Variants in CENPK observed in about 807,000 individuals in gnomAD.
The protein encoded by CENPK is SoxLZ/Sox6-binding protein Solt.
A neutral mutation model predicts 40.9 loss-of-function variants in CENPK; 46 were observed. That is an observed-to-expected ratio of 1.13 (90% CI 0.89 to 1.44). The LOEUF (loss-of-function observed/expected upper bound fraction) is 1.44. Ranked by LOEUF, CENPK falls within the 40% of genes most tolerant of loss-of-function variation. The pLI is 0.00. For synonymous variants in CENPK, 107 were observed against 104.4 expected (o/e 1.02, Z -0.15); for missense variants, 288 against 303.5 (o/e 0.95, Z 0.38).
At chr5:65,557,296 C>G (rs1751143150) in intron 2 of CENPK, among the ~76,000 whole-genome samples, 2 of 152,180 alleles carry the variant, frequency 1.3e-5, no homozygotes, top group Admixed American at 1.3e-4. Flanking sequence ...TAAAAATACT[C>G]ACAGCAATAT....
rs954261149 is a variant in CENPK, at chr5:65,529,019, T to C, written c.372-2A>G. On this transcript the variant is annotated splice_acceptor_variant, in intron 7 of 10. Coordinates refer to ENST00000396679, the MANE Select transcript of CENPK (RefSeq NM_022145.5). LOFTEE classifies it high-confidence loss of function. ...TGTTCATCCAACCACCGTTGTTCCC[T>C]TTCGACATGGAAAAACAATACAAGC... 1.7e-5 allele frequency: 27 copies of C among 1,602,582 alleles called. No homozygotes were observed. The highest frequency in any genetic ancestry group is 1.8e-5 in the Non-Finnish European group (21 of 1,171,276).
chr5:65,555,989 T>G (rs1327683623), intron 2 of CENPK, among the ~76,000 whole-genome samples: 2 of 152,214 alleles, frequency 1.3e-5, no homozygotes, highest in South Asian at 2.1e-4. Context: ...CACTACATAA[T>G]GACATTTTGG....
At chr5:65,540,902 G>C (rs1455848111) in intron 6 of CENPK, among the ~76,000 whole-genome samples, 2 of 151,438 alleles carry the variant, frequency 1.3e-5, no homozygotes, top group Non-Finnish European at 2.9e-5. Flanking sequence ...CAACCTCCCA[G>C]GCTCAAGCAA....
the CENPK span, among the ~76,000 whole-genome samples, chr5:65,495,748 G>GAAAT: frequency 1.3e-5 from 2 of 151,854 alleles, no homozygotes; most frequent in Admixed American, 1.3e-4. Flanking sequence ...CACAAAAGAA[G>GAAAT]AAATACAAAC....
chr5:65,560,632 A>G (rs557145077), intron 2 of CENPK, among the ~76,000 whole-genome samples: 1 of 152,356 alleles, frequency 6.6e-6, no homozygotes, highest in South Asian at 2.1e-4. Flanking sequence ...GAAAAAGTAC[A>G]TTCATAAGCT....
At chr5:65,525,129 T>TG (rs1744450366) in intron 9 of CENPK, among the ~76,000 whole-genome samples, 1 of 152,182 alleles carries the variant, frequency 6.6e-6, no homozygotes, top group African/African-American at 2.4e-5. Context: ...GAGGCTGAGG[T>TG]GGGTGGATCA....
rs564648227 is a variant in CENPK at position 65,562,963 on chromosome 5, A to T, written c.-142+135T>A. 1.6e-5 allele frequency: 3 copies of T among 186,152 alleles called. No homozygotes were observed. The East Asian group carries it at 4.5e-4, about 28-fold the overall frequency. The allele number at this position is 186,152 out of a possible 1,614,324, so 11.5% of individuals were successfully genotyped here. A position where few individuals can be genotyped will look rare whatever the true frequency, so the allele number is the denominator to read the frequency against. On this transcript the variant is annotated intron_variant, in intron 1 of 10. Transcript: ENST00000396679. The stretch of plus-strand genomic sequence containing the variant: ...TATGGAGCTTGCGTTGGCGCGCGGG[A>T]AGCCGAGAAGAACGGGACTCAAAGC...
intron 5 of CENPK, among the ~76,000 whole-genome samples, chr5:65,549,146 G>A (rs770665218): frequency 4.6e-5 from 7 of 152,118 alleles, no homozygotes; most frequent in Non-Finnish European, 7.4e-5. Context: ...TAAATTCCTT[G>A]TACATCACCA....
intron 2 of CENPK, among the ~76,000 whole-genome samples, chr5:65,557,269 G>A (rs892551272): frequency 2.0e-5 from 3 of 152,102 alleles, no homozygotes; most frequent in African/African-American, 4.8e-5. Context: ...TAATATAGAG[G>A]AGCAAACTGT....
chr5:65,533,940 T>C (rs566783680), intron 6 of CENPK, among the ~76,000 whole-genome samples: 64 of 147,434 alleles, frequency 4.3e-4, no homozygotes, highest in Middle Eastern at 3.7e-3. Context: ...CCCAGCTACC[T>C]GGGAGGCTGA....
At chr5:65,548,994 G>T (rs1269147781) in intron 5 of CENPK, among the ~76,000 whole-genome samples, 4 of 152,150 alleles carry the variant, frequency 2.6e-5, no homozygotes, top group African/African-American at 7.2e-5. Flanking sequence ...AGGTTTCAAT[G>T]TACTTTGGCC....
the CENPK span, among the ~76,000 whole-genome samples, chr5:65,500,820 G>T: frequency 2.6e-5 from 4 of 152,004 alleles, no homozygotes; most frequent in Non-Finnish European, 4.4e-5. Flanking sequence ...ACACCACCAT[G>T]CCCAGCTAAT....
intron 2 of CENPK, among the ~76,000 whole-genome samples, chr5:65,556,359 A>G (rs155063): frequency 0.59 from 90,016 of 151,782 alleles, 27,047 homozygotes; most frequent in Non-Finnish European, 0.63. Flanking sequence ...CCTGTAGCCC[A>G]AGCTGCTCAG....
the CENPK span, among the ~76,000 whole-genome samples, chr5:65,508,138 T>A: frequency 1.3e-5 from 2 of 152,232 alleles, no homozygotes; most frequent in African/African-American, 2.4e-5. Context: ...GGTACTATAT[T>A]TCCCTGTGTA....
intron 5 of CENPK, among the ~76,000 whole-genome samples, chr5:65,546,406 G>A (rs1166412464): frequency 6.6e-6 from 1 of 152,170 alleles, no homozygotes; most frequent in Non-Finnish European, 1.5e-5. Flanking sequence ...CAATGAGTGA[G>A]GAAACAGAAA....
chr5:65,560,138 C>G (rs1003880911), intron 2 of CENPK, among the ~76,000 whole-genome samples: 1 of 151,862 alleles, frequency 6.6e-6, no homozygotes, highest in African/African-American at 2.4e-5. Context: ...AAAATCTTTA[C>G]ACCAAAATTT....
the CENPK span, among the ~76,000 whole-genome samples, chr5:65,508,892 T>C: frequency 6.6e-6 from 1 of 151,792 alleles, no homozygotes; most frequent in Admixed American, 6.6e-5. Flanking sequence ...ACACAATCTA[T>C]GAAAGAAACC....
rs531627080 is a variant in CENPK at position 65,528,065 on chromosome 5, T to C, written c.597+387A>G. Among the ~76,000 whole-genome samples the C allele has an allele frequency of 1.1e-4, 17 of 152,078 alleles. No homozygotes were observed. In the South Asian group the frequency reaches 3.5e-3, roughly 32 times the overall value. On this transcript the variant is annotated intron_variant, in intron 9 of 10. Transcript: ENST00000396679. ...GACCAGCCTGGGCAACTTGGTGACA[T>C]CCCCTCTCTACTACAAATACAAAAA... is the stretch of plus-strand genomic sequence containing the variant.
chr5:65,529,509 A>C (rs1159885604), intron 6 of CENPK: 1 of 198,968 alleles, frequency 5.0e-6, no homozygotes, highest in Non-Finnish European at 9.7e-6. Context: ...TTTTTTTTTG[A>C]GACAGTCTCA....
Sources: allele counts gnomAD v4.1 joint callset (sites outside exome capture counted in the v4.1 genomes callset), GRCh38; gene constraint gnomAD v4.1.1; transcripts MANE v1.5; gene names NCBI Gene and HGNC (gene_info 2026-07-23, HGNC 2026-07-21).